DLEC1: variants seen among roughly 807,000 people sequenced by gnomAD.
DLEC1 encodes DLEC1 cilia and flagella associated protein.
Under a neutral mutation model 198.1 loss-of-function variants are expected in DLEC1, and 146 were observed. The ratio of observed to expected loss-of-function variants is 0.74; its 90% CI spans 0.64 to 0.85. The LOEUF (loss-of-function observed/expected upper bound fraction) is 0.85, where lower values mean the gene tolerates loss of function less well. DLEC1 is among the 40% of genes least tolerant of loss of function. DLEC1 has a pLI of 0.00. For missense variants in DLEC1, 2,233 were observed against 2,220.0 expected, an observed-to-expected ratio of 1.01 and a Z score of -0.12; for synonymous variants, 897 against 866.8, an observed-to-expected ratio of 1.03 and a Z score of -0.61.
chr3:38,104,414 G>A (rs1699463131), intron 19 of DLEC1, among the ~76,000 whole-genome samples: 1 of 152,102 alleles, frequency 6.6e-6, no homozygotes, highest in African/African-American at 2.4e-5. Context: ...CCGAGATTGT[G>A]CCACTGCACT....
intron 2 of DLEC1, among the ~76,000 whole-genome samples, chr3:38,059,103 A>G (rs139773126): frequency 1.3e-5 from 2 of 152,178 alleles, no homozygotes; most frequent in East Asian, 3.9e-4. Flanking sequence ...TCTCTCCTGT[A>G]TCTGCAGGTC....
At position 38,112,840 on chromosome 3, in the gene DLEC1, G is replaced by T. The variant is rs34604565; in HGVS notation, c.3666+479G>T. On this transcript the variant is annotated intron_variant, in intron 25 of 36. Transcript: ENST00000308059. The surrounding 1 kb of genome is among the most constrained non-coding windows in gnomAD (Gnocchi z 4.8). ...GTTCCTGTGTGGGCCGCTGTAGTGT[G>T]GAGGATACAGGGATGAATAAGGTAA... Among the ~76,000 whole-genome samples the T allele has an allele frequency of 6.6e-6, 1 of 152,040 alleles. No individual in the cohort carries two copies. Among genetic ancestry groups the T allele is most frequent in the Non-Finnish European group, 1.5e-5 (1 of 68,000 alleles).
At chr3:38,083,014 A>G (rs1559427858) in intron 6 of DLEC1, among the ~76,000 whole-genome samples, 1 of 151,828 alleles carries the variant, frequency 6.6e-6, no homozygotes, top group Non-Finnish European at 1.5e-5. Context: ...AAATTAAGAG[A>G]AGGGAGAGAT....
intron 1 of DLEC1, among the ~76,000 whole-genome samples, chr3:38,040,987 G>A (rs570434836): frequency 6.6e-6 from 1 of 151,840 alleles, no homozygotes; most frequent in South Asian, 2.1e-4. Flanking sequence ...CCACAGGTGT[G>A]CACCAGTATG....
At chr3:38,067,787 C>G (rs1444468486) in intron 6 of DLEC1, among the ~76,000 whole-genome samples, 2 of 141,652 alleles carry the variant, frequency 1.4e-5, no homozygotes, top group South Asian at 2.2e-4. Context: ...GAATCTTGCT[C>G]TATTACCCAA....
intron 6 of DLEC1, among the ~76,000 whole-genome samples, chr3:38,080,790 G>C (rs1382947198): frequency 6.8e-6 from 1 of 147,700 alleles, no homozygotes; most frequent in African/African-American, 2.5e-5. Context: ...GGAGGGAAGG[G>C]GTTCGGGTGT....
In DLEC1 at chr3:38,116,979, T is replaced by C. The variant is rs745602867; in HGVS notation, c.4184T>C (p.Val1395Ala). Residue 1395 changes from valine to alanine, a missense_variant, in exon 30 of 37, where the codon GTC becomes GCC. Physicochemically the swap from Val to Ala is moderately conservative, Grantham distance 64 (BLOSUM62 0). Transcript: ENST00000308059. Reference sequence around the variant, plus strand: ...AGGCTGCTGTGTCTATGCCAGGTGGTCCCTGCTGGGGGCAGCAGTACCATC... The same window carrying C: ...AGGCTGCTGTGTCTATGCCAGGTGGCCCCTGCTGGGGGCAGCAGTACCATC... ...LYCISPKQVV[V>A]PAGGSSTIYI... 3 of 1,613,822 alleles carry C rather than the reference T, an allele frequency of 1.9e-6. No homozygotes were observed. The highest frequency in any genetic ancestry group is 2.5e-6 in the Non-Finnish European group (3 of 1,179,944).
chr3:38,104,865 TTTC>T (rs1163351631), intron 19 of DLEC1, among the ~76,000 whole-genome samples: 1 of 152,180 alleles, frequency 6.6e-6, no homozygotes, highest in Non-Finnish European at 1.5e-5. Context: ...CTCTTTCTAG[TTTC>T]TTAAGGTAAA....
chr3:38,085,173 C>A (rs1356001370), intron 7 of DLEC1, 101 bp from the exon 8 acceptor site: 1 of 1,346,906 alleles, frequency 7.4e-7, no homozygotes, highest in Non-Finnish European at 1.0e-6. Flanking sequence ...AAGGCACTTA[C>A]AGAGCCAGCC....
At chr3:38,055,326 AAC>A (rs1256792239) in intron 2 of DLEC1, among the ~76,000 whole-genome samples, 3 of 152,240 alleles carry the variant, frequency 2.0e-5, no homozygotes, top group African/African-American at 7.2e-5. Context: ...ATCATCATGA[AAC>A]TGCAGGACAC....
chr3:38,059,606 C>T (rs1429116029), intron 2 of DLEC1, 136 bp from the exon 3 acceptor site: 1 of 701,966 alleles, frequency 1.4e-6, no homozygotes, highest in Admixed American at 2.9e-5. Flanking sequence ...TTTCTTAAAT[C>T]TCAACATTCC....
At chr3:38,113,215 T>G (rs1699979538) in intron 25 of DLEC1, among the ~76,000 whole-genome samples, 1 of 152,160 alleles carries the variant, frequency 6.6e-6, no homozygotes, top group African/African-American at 2.4e-5. Flanking sequence ...CACAAAATAC[T>G]GGTTTTGACA....
chr3:38,048,298 G>T (rs559832898), intron 2 of DLEC1, among the ~76,000 whole-genome samples: 1 of 152,232 alleles, frequency 6.6e-6, no homozygotes, highest in African/African-American at 2.4e-5. Context: ...ACCTTGACCT[G>T]TTCTCCTGAA....
chr3:38,048,386 C>A (rs1034025959), intron 2 of DLEC1, among the ~76,000 whole-genome samples: 2 of 152,174 alleles, frequency 1.3e-5, no homozygotes, highest in African/African-American at 4.8e-5. Context: ...ATTTAGGAGA[C>A]CTGTTATATC....
intron 10 of DLEC1, among the ~76,000 whole-genome samples, chr3:38,090,805 T>A (rs1389035422): frequency 1.3e-5 from 2 of 152,242 alleles, no homozygotes; most frequent in Non-Finnish European, 1.5e-5. Context: ...AAACTGTTCA[T>A]GGACGTTGTA....
At chr3:38,072,979 A>C (rs1003951699) in intron 6 of DLEC1, among the ~76,000 whole-genome samples, 20 of 152,282 alleles carry the variant, frequency 1.3e-4, no homozygotes, top group African/African-American at 4.1e-4. Flanking sequence ...GGGTGGAAAG[A>C]AAGTAAATCA....
chr3:38,111,293 G>A (rs1432191754), intron 23 of DLEC1, among the ~76,000 whole-genome samples: 1 of 152,196 alleles, frequency 6.6e-6, no homozygotes, highest in Non-Finnish European at 1.5e-5. Context: ...GATGTCAGCA[G>A]GAAAAACTGG....
At chr3:38,077,183 G>A (rs1697672764) in intron 6 of DLEC1, among the ~76,000 whole-genome samples, 1 of 152,170 alleles carries the variant, frequency 6.6e-6, no homozygotes, top group South Asian at 2.1e-4. Flanking sequence ...ATAGCACGAG[G>A]AGATATCAGC....
Position 38,085,397 on chromosome 3 carries a change from A to T in DLEC1, c.1385A>T (p.His462Leu), listed in dbSNP as rs748323779. 1 of 1,614,088 alleles carries T rather than the reference A, an allele frequency of 6.2e-7. No individual in the cohort carries two copies. ...ATTTTAGTGGAGACCCAGTCAGCCCACACACTTCTGATCCCCCTGCAGGCC... is the reference window on the plus strand; with the variant it reads ...ATTTTAGTGGAGACCCAGTCAGCCCTCACACTTCTGATCCCCCTGCAGGCC... ...DFILVETQSA[H>L]TLLIPLQARR... Residue 462 changes from histidine (H) to leucine (L), a missense_variant, in exon 8 of 37, where the codon CAC (histidine) becomes CTC (leucine). His to Leu is a moderately conservative substitution (Grantham distance 99). Coordinates refer to ENST00000308059, the MANE Select transcript of DLEC1 (RefSeq NM_007335.4).
Sources: allele counts gnomAD v4.1 joint callset (sites outside exome capture counted in the v4.1 genomes callset), GRCh38; gene constraint gnomAD v4.1.1; non-coding constraint Gnocchi (gnomAD v3.1); transcripts MANE v1.5; gene names NCBI Gene and HGNC (gene_info 2026-07-23, HGNC 2026-07-21).